The following CSMD2 variants were observed in gnomAD, a reference collection of about 807,000 sequenced individuals.
The protein encoded by CSMD2 is CUB and Sushi multiple domains 2, also known as CUB and sushi domain-containing protein 2.
A neutral mutation model predicts 398.5 loss-of-function variants in CSMD2; 130 were observed. That is an observed-to-expected ratio of 0.33 (90% CI 0.28 to 0.38). CSMD2 has a LOEUF of 0.38. Ranked by LOEUF, CSMD2 falls within the 10% of genes least tolerant of loss-of-function variation. CSMD2 has a pLI of 1.00. For synonymous variants in CSMD2, 1,828 were observed against 1,908.5 expected (o/e 0.96, Z 1.10); for missense variants, 3,829 against 4,764.9 (o/e 0.80, Z 5.78).
intron 12 of CSMD2, among the ~76,000 whole-genome samples, chr1:33,778,964 C>T (rs1652352398): frequency 6.6e-6 from 1 of 152,138 alleles, no homozygotes; most frequent in Admixed American, 6.5e-5. Context: ...TGCTATCCAC[C>T]CCGTCTCTCC....
At chr1:34,080,684 C>T (rs1014871126) in intron 2 of CSMD2, among the ~76,000 whole-genome samples, 2 of 151,974 alleles carry the variant, frequency 1.3e-5, no homozygotes, top group Non-Finnish European at 2.9e-5. Flanking sequence ...CAAAGCTATA[C>T]TTAGGGGAAA....
chr1:34,129,481 C>G (rs946370428), intron 1 of CSMD2, among the ~76,000 whole-genome samples: 1 of 152,006 alleles, frequency 6.6e-6, no homozygotes, highest in Admixed American at 6.6e-5. Context: ...GAAACCCCAT[C>G]TCTACTAAAA....
At chr1:34,105,779 T>C (rs2053218) in intron 1 of CSMD2, among the ~76,000 whole-genome samples, 58,014 of 152,078 alleles carry the variant, frequency 0.38, 11,791 homozygotes, top group East Asian at 0.68. Context: ...ATATTGTAGT[T>C]TGAAGCATAA....
In CSMD2 at chr1:33,624,116, C is replaced by T. The variant is rs1341673132; in HGVS notation, c.5625+403G>A. 6.6e-6 allele frequency among the ~76,000 whole-genome samples: 1 copy of T among 152,200 alleles called. No homozygotes were observed. Among genetic ancestry groups the T allele is most frequent in the African/African-American group, 2.4e-5 (1 of 41,438 alleles). On this transcript the variant is annotated intron_variant, in intron 35 of 70. Transcript: ENST00000373381. The surrounding 1 kb of genome is among the most constrained non-coding windows in gnomAD (Gnocchi z 4.7). ...CATTAGCACTGCCTCCCCTTCTAACCCTCACAATCTTAAGAAAATCTTTAG... is the reference window on the plus strand; with the variant it reads ...CATTAGCACTGCCTCCCCTTCTAACTCTCACAATCTTAAGAAAATCTTTAG...
intron 7 of CSMD2, among the ~76,000 whole-genome samples, chr1:33,821,352 C>T (rs1450628938): frequency 6.6e-6 from 1 of 152,194 alleles, no homozygotes; most frequent in African/African-American, 2.4e-5. Flanking sequence ...AACCCTTTGG[C>T]CCCTGCCTGT....
chr1:34,020,226 G>C (rs1648688810), intron 3 of CSMD2, among the ~76,000 whole-genome samples: 1 of 152,126 alleles, frequency 6.6e-6, no homozygotes, highest in Non-Finnish European at 1.5e-5. Flanking sequence ...ACAGGCAAGG[G>C]GAACAGAATG....
intron 27 of CSMD2, among the ~76,000 whole-genome samples, chr1:33,654,268 A>G (rs994100985): frequency 6.6e-6 from 1 of 152,192 alleles, no homozygotes; most frequent in Non-Finnish European, 1.5e-5. Context: ...TAACAACTCA[A>G]TGAGCAATGG....
chr1:33,956,712 G>A (rs487736), intron 3 of CSMD2, among the ~76,000 whole-genome samples: 45,438 of 151,722 alleles, frequency 0.3, 7,031 homozygotes, highest in Middle Eastern at 0.46. Context: ...TGCTACCTCC[G>A]TGGCCCAAGC....
chr1:33,743,067 G>C (rs1423749180), intron 14 of CSMD2, among the ~76,000 whole-genome samples: 1 of 152,164 alleles, frequency 6.6e-6, no homozygotes, highest in Non-Finnish European at 1.5e-5. Flanking sequence ...CCTTCAGAGA[G>C]GGACTTCCAG....
At chr1:33,616,708 CAG>C (rs1474329002) in intron 39 of CSMD2, among the ~76,000 whole-genome samples, 196 bp downstream of exon 39, 1 of 152,188 alleles carries the variant, frequency 6.6e-6, no homozygotes, top group African/African-American at 2.4e-5. Flanking sequence ...TTTGGTGGGG[CAG>C]AGTTTCCAAA....
At chr1:33,857,534 G>A (rs1639186637) in intron 5 of CSMD2, among the ~76,000 whole-genome samples, 1 of 152,112 alleles carries the variant, frequency 6.6e-6, no homozygotes, top group Non-Finnish European at 1.5e-5. Context: ...CTGCCTGCTG[G>A]CATCATTCTC....
At chr1:33,601,739 G>A (rs1363856103) in intron 43 of CSMD2, among the ~76,000 whole-genome samples, 1 of 152,226 alleles carries the variant, frequency 6.6e-6, no homozygotes, top group African/African-American at 2.4e-5. Context: ...AACTCTTGTT[G>A]TATATAACTA....
chr1:33,877,680 A>G (rs1054483168), intron 5 of CSMD2, among the ~76,000 whole-genome samples: 2 of 152,146 alleles, frequency 1.3e-5, no homozygotes, highest in African/African-American at 2.4e-5. Context: ...TCTTCACTGA[A>G]TGCCAGGCCC....
chr1:33,740,857 G>A (rs78002013), intron 14 of CSMD2, among the ~76,000 whole-genome samples: 5,162 of 152,226 alleles, frequency 0.034, 145 homozygotes, highest in East Asian at 0.12. Context: ...ACACACAAGC[G>A]CAAATGCACA....
At chr1:34,056,941 G>A (rs1219937373) in intron 2 of CSMD2, among the ~76,000 whole-genome samples, 6 of 152,158 alleles carry the variant, frequency 3.9e-5, no homozygotes, top group Non-Finnish European at 8.8e-5. Context: ...CATAGAATAC[G>A]CAACTCAGAG....
At chr1:33,629,383 AC>A (rs1333593789) in intron 32 of CSMD2, among the ~76,000 whole-genome samples, 1 of 152,252 alleles carries the variant, frequency 6.6e-6, no homozygotes, top group Non-Finnish European at 1.5e-5. Flanking sequence ...CAGATATCAG[AC>A]CAAATAATTC....
chr1:33,614,410 C>T, intron 40 of CSMD2, 94 bp downstream of exon 40: 1 of 751,534 alleles, frequency 1.3e-6, no homozygotes, highest in Admixed American at 2.0e-5. Flanking sequence ...CAGACTTGGC[C>T]CAAGTTTGTG....
At position 34,076,928 on chromosome 1, in the gene CSMD2, A is replaced by AAAAAAT. The variant is rs1232288848; in HGVS notation, c.404+12048_404+12049insATTTTT. Among the ~76,000 whole-genome samples the AAAAAAT allele has an allele frequency of 2.6e-3, 141 of 53,574 alleles. 1 individual carries two copies. The highest frequency in any genetic ancestry group is 3.4e-3 in the Non-Finnish European group (106 of 31,336). The allele number at this position is 53,574 out of a possible 152,430, so 35.1% of individuals were successfully genotyped here. ...GCAAAGCAAAAAAAAAAAAAAAAAAAATATATATATATATATATATATATA... is the reference window on the plus strand; with the variant it reads ...GCAAAGCAAAAAAAAAAAAAAAAAAAAAAAATATATATATATATATATATATATATA... On this transcript the variant is annotated intron_variant, in intron 2 of 70. Coordinates refer to ENST00000373381, the MANE Select transcript of CSMD2 (RefSeq NM_001281956.2).
chr1:33,543,035 G>T, intron 57 of CSMD2, 139 bp from the exon 58 acceptor site: 1 of 626,504 alleles, frequency 1.6e-6, no homozygotes, highest in Non-Finnish European at 2.7e-6. Context: ...CTTTTGTATC[G>T]AATTATCTTG....
Sources: allele counts gnomAD v4.1 joint callset (sites outside exome capture counted in the v4.1 genomes callset), GRCh38; gene constraint gnomAD v4.1.1; non-coding constraint Gnocchi (gnomAD v3.1); transcripts MANE v1.5; gene names NCBI Gene and HGNC (gene_info 2026-07-23, HGNC 2026-07-21).